The following ADGRF1 variants were observed in gnomAD, a reference collection of about 807,000 sequenced individuals.
The protein encoded by ADGRF1 is adhesion G protein-coupled receptor F1.
A neutral mutation model predicts 87.2 loss-of-function variants in ADGRF1; 85 were observed. The observed-to-expected ratio is 0.97, with a 90% confidence interval of 0.82 to 1.17. The LOEUF (loss-of-function observed/expected upper bound fraction) is 1.17, where lower values mean the gene tolerates loss of function less well. Ranked by LOEUF, ADGRF1 falls within the 50% of genes most tolerant of loss-of-function variation. The pLI, the probability that ADGRF1 is intolerant of heterozygous loss-of-function variation, is 0.00. For synonymous variants in ADGRF1, 430 were observed against 408.8 expected (o/e 1.05, Z -0.63); for missense variants, 1,169 against 1,077.2 (o/e 1.09, Z -1.19).
chr6:47,030,731 G>T (rs578249185), intron 1 of ADGRF1, among the ~76,000 whole-genome samples: 4 of 151,824 alleles, frequency 2.6e-5, no homozygotes, highest in East Asian at 3.9e-4. Flanking sequence ...CAGAGTGGGG[G>T]TTGTGCCCCT....
intron 5 of ADGRF1, 118 bp from the exon 6 acceptor site, chr6:47,022,176 T>A (rs985834170): frequency 1.8e-5 from 11 of 612,436 alleles, no homozygotes; most frequent in South Asian, 1.1e-4. Flanking sequence ...GTTTCAAATT[T>A]TTTTCATAAG....
rs1294215630 is a variant in ADGRF1, at chr6:47,020,464, A to C, written c.611+267T>G. 3 of 1,348,564 alleles carry C rather than the reference A, an allele frequency of 2.2e-6. No individual in the cohort carries two copies. In the South Asian group the frequency reaches 3.9e-5, roughly 17 times the overall value. The allele number at this position is 1,348,564 out of a possible 1,614,324, so 83.5% of individuals were successfully genotyped here. Reference sequence around the variant, plus strand: ...GGTTGCAGTGAGCCTAGATTGTGCCATTGCACTCCAACTTGGGCGACAAGA... The same window carrying C: ...GGTTGCAGTGAGCCTAGATTGTGCCCTTGCACTCCAACTTGGGCGACAAGA... On this transcript the variant is annotated intron_variant, in intron 7 of 14. Coordinates refer to ENST00000371253, the MANE Select transcript of ADGRF1 (RefSeq NM_153840.4).
rs200254260 is a variant in ADGRF1, at chr6:47,024,118, G to A, written c.377C>T (p.Thr126Met). The change falls in exon 5 of 15, where the codon ACG becomes ATG. Residue 126 changes from threonine (T) to methionine (M), a missense_variant. Thr to Met is a moderately conservative substitution (Grantham distance 81). Coordinates refer to ENST00000371253, the MANE Select transcript of ADGRF1 (RefSeq NM_153840.4). ...CLDPQNCYLH[T>M]AGALPSCECH... ...TTCACAGCTTGGGAGTGCTCCAGCC[G>A]TGTGAAGGTAGCAGTTCTGGGGATC... 3.8e-5 allele frequency: 61 copies of A among 1,614,020 alleles called. No homozygotes were observed. The highest frequency in any genetic ancestry group is 1.7e-4 in the Middle Eastern group (1 of 6,058).
intron 1 of ADGRF1, among the ~76,000 whole-genome samples, chr6:47,033,993 T>C (rs1415784442): frequency 6.6e-6 from 1 of 152,248 alleles, no homozygotes; most frequent in Non-Finnish European, 1.5e-5. Flanking sequence ...AAGGTCTATA[T>C]ATATGTGTGC....
Position 47,029,040 on chromosome 6 carries a change from G to A in ADGRF1, c.22C>T (p.Leu8Phe), listed in dbSNP as rs1780333048. The A allele has an allele frequency of 6.2e-7, 1 of 1,614,112 alleles. No homozygotes were observed. The highest frequency in any genetic ancestry group is 8.5e-7 in the Non-Finnish European group (1 of 1,179,996). ...TCAGTGAAGGTGAAGAAAGAAATGA[G>A]CCACAGCACTCCAACTTTCATTTTC... Reference protein sequence around the residue: MKVGVLWLISFFTFTDGH... With the variant: MKVGVLWFISFFTFTDGH... The change falls in exon 2 of 15, where the codon CTC becomes TTC. Residue 8 changes from leucine (L) to phenylalanine (F), a missense_variant. By Grantham distance (22) the Leu-to-Phe change is conservative. Transcript: ENST00000371253.
chr6:47,017,684 C>A (rs1352363237), intron 7 of ADGRF1: 1 of 142,868 alleles, frequency 7.0e-6, no homozygotes, highest in Non-Finnish European at 1.5e-5. Flanking sequence ...TGAAAGACGC[C>A]GAACATGCAA....
At chr6:47,002,300 G>A (rs1779385331) in intron 13 of ADGRF1, among the ~76,000 whole-genome samples, 2 of 151,064 alleles carry the variant, frequency 1.3e-5, no homozygotes, top group Admixed American at 1.3e-4. Context: ...ACCAAGGTGG[G>A]AAAAACATGT....
intron 1 of ADGRF1, among the ~76,000 whole-genome samples, chr6:47,039,271 T>A (rs1780671561): frequency 6.6e-6 from 1 of 152,266 alleles, no homozygotes; most frequent in African/African-American, 2.4e-5. Flanking sequence ...CAATAAAATG[T>A]AACTAGAGTT....
rs149972491 is a variant in ADGRF1, at chr6:47,028,553, T to C, written c.69+440A>G. On this transcript the variant is annotated intron_variant, in intron 2 of 14. Transcript: ENST00000371253. ...TATGTGAGTGTGGACAGGGGAGAGG[T>C]CTGAGATGGAGCTATACAGCTGGGA... Among the ~76,000 whole-genome samples the C allele has an allele frequency of 9.9e-5, 15 of 151,894 alleles. No homozygotes were observed. The East Asian group carries it at 2.9e-3, about 29-fold the overall frequency.
chr6:47,039,872 G>A (rs11755466), intron 1 of ADGRF1, among the ~76,000 whole-genome samples: 7,653 of 152,212 alleles, frequency 0.05, 265 homozygotes, highest in Middle Eastern at 0.14. Flanking sequence ...TGAGACAGGA[G>A]AATTGCTAGA....
Position 47,027,709 on chromosome 6 carries a change from T to A in ADGRF1, c.122A>T (p.His41Leu). ...KKELIVNKKK[H>L]LGPVEEYQLL... Reference sequence around the variant, plus strand: ...GCTGTCTAACAGAGCCTCACCTAGATGTTTTTTCTTATTCACAATGAGTTC... The same window carrying A: ...GCTGTCTAACAGAGCCTCACCTAGAAGTTTTTTCTTATTCACAATGAGTTC... Residue 41 changes from histidine (H) to leucine (L), a missense_variant, in exon 3 of 15, where the codon CAT becomes CTT. By Grantham distance (99) the His-to-Leu change is moderately conservative. Transcript: ENST00000371253. 6.2e-7 allele frequency: 1 copy of A among 1,605,088 alleles called. No individual in the cohort carries two copies. Among genetic ancestry groups the A allele is most frequent in the Non-Finnish European group, 8.5e-7 (1 of 1,172,050 alleles).
chr6:47,005,858 T>G lies in ADGRF1; in HGVS notation c.2551A>C (p.Asn851His). Residue 851 changes from asparagine to histidine, a missense_variant, in exon 13 of 15, where the codon AAC (asparagine) becomes CAC (histidine). Asn to His is a moderately conservative substitution (Grantham distance 68, BLOSUM62 1). Coordinates refer to ENST00000371253, the MANE Select transcript of ADGRF1 (RefSeq NM_153840.4). ...CAAGAACTTAAGGCAGACAACTTGT[T>G]GAACAGAAGTTGTCGCAGCTATAAG... is the stretch of plus-strand genomic sequence containing the variant. ...LDSKLRQLLF[N>H]KLSALSSWKQ... is the part of the protein sequence containing the mutation. The G allele has an allele frequency of 6.2e-7, 1 of 1,611,986 alleles. No individual in the cohort carries two copies. Among genetic ancestry groups the G allele is most frequent in the Non-Finnish European group, 8.5e-7 (1 of 1,178,856 alleles).
At chr6:47,014,176 T>G in intron 9 of ADGRF1, 1 of 844,438 alleles carries the variant, frequency 1.2e-6, no homozygotes, top group Middle Eastern at 6.0e-4. Flanking sequence ...TGTTTTCTGA[T>G]CTGCAAAATG....
chr6:47,022,930 C>T (rs912347754), intron 5 of ADGRF1, among the ~76,000 whole-genome samples: 1 of 151,736 alleles, frequency 6.6e-6, no homozygotes, highest in African/African-American at 2.4e-5. Context: ...CTCAGCCCCC[C>T]AAGTAGCTGG....
intron 7 of ADGRF1, chr6:47,020,502 C>CA (rs748152209): frequency 0.19 from 210,962 of 1,106,086 alleles, 1,455 homozygotes; most frequent in African/African-American, 0.27. Context: ...GACATTCTGT[C>CA]AAAAAAAAAA....
intron 7 of ADGRF1, 72 bp from the exon 8 acceptor site, chr6:47,016,840 G>C: frequency 6.8e-7 from 1 of 1,470,146 alleles, no homozygotes; most frequent in Non-Finnish European, 9.1e-7. Context: ...CCTATGCTGT[G>C]TGTACATGCC....
intron 1 of ADGRF1, among the ~76,000 whole-genome samples, chr6:47,031,380 T>C (rs1369218209): frequency 1.3e-5 from 2 of 150,604 alleles, no homozygotes; most frequent in African/African-American, 4.9e-5. Flanking sequence ...TCTCTCTCTC[T>C]CTCTCTCCTT....
chr6:47,017,985 AGGATTGGGT>A (rs1185891459), intron 7 of ADGRF1: 1 of 166,702 alleles, frequency 6.0e-6, no homozygotes, highest in African/African-American at 2.4e-5. Context: ...GGATGGCTCC[AGGATTGGGT>A]CTCTGCAAGT....
intron 9 of ADGRF1, chr6:47,014,478 C>G (rs1486753806): frequency 4.6e-6 from 6 of 1,306,036 alleles, no homozygotes; most frequent in Non-Finnish European, 5.8e-6. Flanking sequence ...GTCTTTTGAG[C>G]TGCAACCTAG....
Sources: gnomAD v4.1 joint callset for allele counts (sites outside exome capture counted in the v4.1 genomes callset) on GRCh38, gnomAD v4.1.1 for gene constraint, MANE v1.5 for transcripts, NCBI Gene and HGNC (gene_info 2026-07-23, HGNC 2026-07-21) for gene names.